LRPPRC: variants seen among roughly 807,000 people sequenced by gnomAD.
The protein encoded by LRPPRC is leucine-rich PPR motif-containing protein, mitochondrial.
A neutral mutation model predicts 180.3 loss-of-function variants in LRPPRC; 120 were observed. The observed-to-expected ratio is 0.67, with a 90% CI of 0.57 to 0.77. LRPPRC has a LOEUF of 0.77. Among genes scored for constraint, LRPPRC ranks in the 30% least tolerant of loss-of-function variants. The pLI, the probability that LRPPRC is intolerant of heterozygous loss-of-function variation, is 0.00. For missense variants in LRPPRC, 2,012 were observed against 1,657.2 expected (o/e 1.21, Z -3.72); for synonymous variants, 723 against 600.0 (o/e 1.21, Z -3.00).
Position 43,889,835 on chromosome 2 carries a change from G to A in LRPPRC, c.4027C>T (p.His1343Tyr). ...DVTSAKALYE[H>Y]LTAKNTKLDD... ...AATTTTGTATTCTTTGCAGTCAAAT[G>A]TTCATACAGTGCTTTAGCAGATGTG... The change falls in exon 37 of 38, where the codon CAT becomes TAT. Residue 1343 changes from histidine to tyrosine, a missense_variant. His to Tyr is a moderately conservative substitution (Grantham distance 83, BLOSUM62 2). Coordinates refer to ENST00000260665, the MANE Select transcript of LRPPRC (RefSeq NM_133259.4). The A allele has an allele frequency of 6.2e-7, 1 of 1,608,834 alleles. No individual in the cohort carries two copies. The highest frequency in any genetic ancestry group is 1.1e-5 in the South Asian group (1 of 90,976).
intron 5 of LRPPRC, among the ~76,000 whole-genome samples, 192 bp downstream of exon 5, chr2:43,976,802 T>A (rs374897379): frequency 2.6e-5 from 4 of 152,210 alleles, no homozygotes; most frequent in Admixed American, 2.0e-4. Context: ...AATAGCAACT[T>A]TTACTTATCT....
intron 14 of LRPPRC, 42 bp from the exon 15 acceptor site, chr2:43,950,642 T>A: frequency 6.9e-7 from 1 of 1,455,452 alleles, no homozygotes. Flanking sequence ...CCCAGGTTTA[T>A]TTTCAAGTAT....
At chr2:43,989,661 G>A (rs903655988) in intron 1 of LRPPRC, among the ~76,000 whole-genome samples, 1 of 152,104 alleles carries the variant, frequency 6.6e-6, no homozygotes, top group Admixed American at 6.5e-5. Context: ...ACCTCATTCT[G>A]CACCCAATGA....
At chr2:43,922,887 T>A (rs1354324495) in intron 27 of LRPPRC, among the ~76,000 whole-genome samples, 1 of 152,202 alleles carries the variant, frequency 6.6e-6, no homozygotes, top group African/African-American at 2.4e-5. Context: ...ATAACCAGAT[T>A]ATCCATTTAT....
chr2:43,919,980 C>A (rs1466786977), intron 27 of LRPPRC, among the ~76,000 whole-genome samples: 1 of 145,802 alleles, frequency 6.9e-6, no homozygotes, highest in Non-Finnish European at 1.5e-5. Flanking sequence ...TCCCCAAAAC[C>A]AAAAAGTTAA....
chr2:43,934,380 A>G, intron 24 of LRPPRC, 84 bp from the exon 25 acceptor site: 1 of 685,020 alleles, frequency 1.5e-6, no homozygotes, highest in South Asian at 1.8e-5. Context: ...AGACAAATAC[A>G]AGAAAAATTT....
rs561433441 is a variant in LRPPRC at position 43,899,352 on chromosome 2, A to T, written c.3710-18T>A. On this transcript the variant is annotated intron_variant, in intron 33 of 37. Coordinates refer to ENST00000260665, the MANE Select transcript of LRPPRC (RefSeq NM_133259.4). The stretch of plus-strand genomic sequence containing the variant: ...GATGCTTACTGGAAAAATGACAGGT[A>T]AGAAAAATCTTTCATTAGAACAGTG... The T allele has an allele frequency of 1.2e-5, 20 of 1,609,258 alleles. No individual in the cohort carries two copies. In the South Asian group the frequency reaches 2.0e-4, roughly 16 times the overall value.
At chr2:43,904,659 C>T (rs1671001314) in intron 31 of LRPPRC, 1 of 147,448 alleles carries the variant, frequency 6.8e-6, no homozygotes, top group Non-Finnish European at 1.5e-5. Flanking sequence ...CACCACTGTA[C>T]TCTAGCCTGG....
intron 6 of LRPPRC, among the ~76,000 whole-genome samples, chr2:43,975,680 T>G (rs1440434508): frequency 6.6e-6 from 1 of 151,898 alleles, no homozygotes; most frequent in Non-Finnish European, 1.5e-5. Context: ...CCTCCCGGGT[T>G]CAAGCAACGC....
intron 22 of LRPPRC, 58 bp downstream of exon 22, chr2:43,945,274 T>A (rs1672636307): frequency 8.9e-7 from 1 of 1,121,804 alleles, no homozygotes; most frequent in Non-Finnish European, 1.4e-6. Flanking sequence ...TCAATTCACA[T>A]GTTATTCCAG....
At chr2:43,930,897 T>A (rs184991154) in intron 25 of LRPPRC, among the ~76,000 whole-genome samples, 9 of 152,228 alleles carry the variant, frequency 5.9e-5, no homozygotes, top group Admixed American at 1.3e-4. Context: ...AACAGAAAAA[T>A]GACTTCCTTC....
Position 43,995,878 on chromosome 2 carries a change from G to A in LRPPRC, c.70C>T (p.Leu24=), listed in dbSNP as rs749629864. ...AGAAPRLPLS[L]RLLPGGPGRL... ...CCCGGGCCGCCAGGGAGGAGGCGCAGGGAGAGCGGGAGGCGCGGGGCCGCC... is the reference window on the plus strand; with the variant it reads ...CCCGGGCCGCCAGGGAGGAGGCGCAAGGAGAGCGGGAGGCGCGGGGCCGCC... Residue 24 remains leucine, a synonymous_variant, in exon 1 of 38, where the codon CTG becomes TTG. Transcript: ENST00000260665. The A allele has an allele frequency of 1.7e-5, 25 of 1,505,924 alleles. No homozygotes were observed. Among genetic ancestry groups the A allele is most frequent in the Middle Eastern group, 4.6e-4 (2 of 4,382 alleles). 93.3% of individuals were successfully genotyped at this position (1,505,924 alleles called of 1,614,324 possible).
intron 30 of LRPPRC, among the ~76,000 whole-genome samples, chr2:43,907,159 C>T (rs1671091181): frequency 2.0e-5 from 3 of 152,110 alleles, no homozygotes; most frequent in African/African-American, 7.2e-5. Context: ...AACTACAAAC[C>T]TTTCAAAAAC....
chr2:43,961,092 T>C (rs781255738), intron 12 of LRPPRC, among the ~76,000 whole-genome samples: 5 of 152,188 alleles, frequency 3.3e-5, no homozygotes, highest in African/African-American at 4.8e-5. Context: ...ATCATTTTAT[T>C]ATAGTATATT....
At chr2:43,925,815 A>C in intron 26 of LRPPRC, 78 bp downstream of exon 26, 7 of 940,932 alleles carry the variant, frequency 7.4e-6, no homozygotes, top group Non-Finnish European at 1.1e-5. Flanking sequence ...GAAGTCCCCA[A>C]ATCTTCATGT....
intron 25 of LRPPRC, 139 bp from the exon 26 acceptor site, chr2:43,926,100 A>T: frequency 1.6e-6 from 1 of 610,926 alleles, no homozygotes; most frequent in East Asian, 2.9e-5. Flanking sequence ...TATATATACT[A>T]GTATACAATC....
At chr2:43,919,734 AAAATGTCACATGACACT>A (rs1671628235) in intron 27 of LRPPRC, among the ~76,000 whole-genome samples, 1 of 152,132 alleles carries the variant, frequency 6.6e-6, no homozygotes, top group South Asian at 2.1e-4. Context: ...CAAGATATGA[AAAATGTCACATGACACT>A]AAGTGTAATA....
Position 43,982,360 on chromosome 2 carries a change from G to A in LRPPRC, c.224C>T (p.Ser75Phe), listed in dbSNP as rs1674349366. ...EKDIQEESTF[S>F]SRKISNQFDW... ...AAACTGATTGGAAATCTTCCTAGAA[G>A]AAAAAGTGGACTCCTCTTGAATATC... Residue 75 changes from serine to phenylalanine, a missense_variant, in exon 2 of 38, where the codon TCT becomes TTT. Coordinates refer to ENST00000260665, the MANE Select transcript of LRPPRC (RefSeq NM_133259.4). The A allele has an allele frequency of 2.5e-6, 4 of 1,613,922 alleles. No homozygotes were observed. The highest frequency in any genetic ancestry group is 3.3e-5 in the Admixed American group (2 of 60,014).
Position 43,889,788 on chromosome 2 carries a change from A to G in LRPPRC, c.4074T>C (p.Arg1358=), listed in dbSNP as rs746573924. Reference sequence around the variant, plus strand: ...CAGCATACTTCAGCAAAGATGCGTAACGCTTTAGAAACAGATCATCCAATT... The same window carrying G: ...CAGCATACTTCAGCAAAGATGCGTAGCGCTTTAGAAACAGATCATCCAATT... ...NTKLDDLFLK[R]YASLLKYAGE... The change falls in exon 37 of 38, where the codon CGT becomes CGC. Residue 1358 remains arginine, a synonymous_variant. Transcript: ENST00000260665. The G allele has an allele frequency of 3.1e-6, 5 of 1,612,280 alleles. No homozygotes were observed. The highest frequency in any genetic ancestry group is 3.3e-4 in the Middle Eastern group (2 of 6,054).
Sources: allele counts gnomAD v4.1 joint callset (sites outside exome capture counted in the v4.1 genomes callset), GRCh38; gene constraint gnomAD v4.1.1; transcripts MANE v1.5; gene names NCBI Gene and HGNC (gene_info 2026-07-23, HGNC 2026-07-21).